The following ETFBKMT variants were observed in gnomAD, a reference collection of about 807,000 sequenced individuals.
The protein encoded by ETFBKMT is electron transfer flavoprotein subunit beta lysine methyltransferase.
ETFBKMT carries 13 observed loss-of-function variants against 18.3 expected under a neutral mutation model. That is an observed-to-expected ratio of 0.71 (90% CI 0.46 to 1.13). ETFBKMT has a LOEUF of 1.13. Among genes scored for constraint, ETFBKMT ranks in the 50% most tolerant of loss-of-function variants. The pLI is 0.00. For synonymous variants in ETFBKMT, 84 were observed against 107.9 expected (o/e 0.78, Z 1.37); for missense variants, 293 against 306.2 (o/e 0.96, Z 0.32).
intron 1 of ETFBKMT, 91 bp from the exon 2 acceptor site, chr12:31,661,750 C>T (rs1592135475): frequency 3.6e-5 from 20 of 552,908 alleles, no homozygotes; most frequent in South Asian, 1.9e-4. Context: ...TGAGCCACCG[C>T]GCCCGGCCAA....
chr12:31,662,505 C>CTTT (rs35366747), intron 2 of ETFBKMT, among the ~76,000 whole-genome samples: 5 of 128,836 alleles, frequency 3.9e-5, no homozygotes, highest in African/African-American at 5.7e-5. Flanking sequence ...TTCTTTCTTT[C>CTTT]TTTTTTTTTT....
rs140923820 is a variant in ETFBKMT at position 31,667,823 on chromosome 12, T to G, written c.622T>G (p.Trp208Gly). 6.8e-6 allele frequency: 11 copies of G among 1,614,118 alleles called. No homozygotes were observed. Among genetic ancestry groups the G allele is most frequent in the Admixed American group, 1.7e-5 (1 of 60,006 alleles). The change falls in exon 4 of 4, where the codon TGG becomes GGG. Residue 208 changes from tryptophan to glycine, a missense_variant. Transcript: ENST00000357721. ...SLHQWLKKCF[W>G]TYRTRVLIGD... is the part of the protein sequence containing the mutation. ...TCATCAGTGGCTGAAGAAGTGCTTC[T>G]GGACCTATAGAACTCGAGTACTGAT...
Position 31,667,911 on chromosome 12 carries a change from T to C in ETFBKMT, c.710T>C (p.Val237Ala), listed in dbSNP as rs771774667. The change falls in exon 4 of 4, where the codon GTA (valine) becomes GCA (alanine). Residue 237 changes from valine (V) to alanine (A), a missense_variant. Physicochemically the swap from Val to Ala is moderately conservative, Grantham distance 64. Coordinates refer to ENST00000357721, the MANE Select transcript of ETFBKMT (RefSeq NM_001135863.2). ...HSIQHHLHKV[V>A]EYSLLESTRQ... is the part of the protein sequence containing the mutation. ...ATTCAGCATCACCTGCACAAAGTGG[T>C]AGAATATTCACTTTTGGAGTCTACT... The C allele has an allele frequency of 6.2e-7, 1 of 1,614,202 alleles. No homozygotes were observed. Among genetic ancestry groups the C allele is most frequent in the Non-Finnish European group, 8.5e-7 (1 of 1,180,034 alleles).
rs4930987 is a variant in ETFBKMT at position 31,672,858 on chromosome 12, A to G, written c.*4868A>G. Reference sequence around the variant, plus strand: ...AAGCTGCAACACACCCAAAGGGTTAAAGGAGGTAGTAGTCACCGAACGTGA... The same window carrying G: ...AAGCTGCAACACACCCAAAGGGTTAGAGGAGGTAGTAGTCACCGAACGTGA... On this transcript the variant is annotated 3_prime_UTR_variant, in exon 4 of 4. Transcript: ENST00000357721. 150,880 of 156,940 alleles carry G rather than the reference A, an allele frequency of 0.96. 72,823 individuals carry two copies. Among genetic ancestry groups the G allele is most frequent in the East Asian group, 1 (5,404 of 5,404 alleles). 9.7% of individuals were successfully genotyped at this position (156,940 alleles called of 1,614,324 possible). A position where few individuals can be genotyped will look rare whatever the true frequency, so the allele number is the denominator to read the frequency against.
rs1260694393 is a variant in ETFBKMT, at chr12:31,669,202, A to G, written c.*1212A>G. 1 of 152,142 alleles carries G rather than the reference A, an allele frequency of 6.6e-6. No homozygotes were observed. The highest frequency in any genetic ancestry group is 2.4e-5 in the African/African-American group (1 of 41,420). The allele number at this position is 152,142 out of a possible 1,614,324, so 9.4% of individuals were successfully genotyped here. A position where few individuals can be genotyped will look rare whatever the true frequency, so the allele number is the denominator to read the frequency against. On this transcript the variant is annotated 3_prime_UTR_variant, in exon 4 of 4. Transcript: ENST00000357721. ...TCCTCTGTTATCTTTGAGTTTCCCTAGAGATTCCTTCTTATATAGAGTCTG... is the reference window on the plus strand; with the variant it reads ...TCCTCTGTTATCTTTGAGTTTCCCTGGAGATTCCTTCTTATATAGAGTCTG...
upstream of ETFBKMT, among the ~76,000 whole-genome samples, chr12:31,657,463 C>A (rs1166284092): frequency 6.6e-6 from 1 of 152,114 alleles, no homozygotes; most frequent in Non-Finnish European, 1.5e-5. Context: ...ACTATGGAAT[C>A]TAAGTTTCAG....
chr12:31,651,883 C>T (rs1951021151), intron 1 of ETFBKMT, among the ~76,000 whole-genome samples: 1 of 152,154 alleles, frequency 6.6e-6, no homozygotes, highest in Non-Finnish European at 1.5e-5. Flanking sequence ...TTCTGTAAAG[C>T]CGAGCTGCAG....
chr12:31,669,026 G>A lies in ETFBKMT; in HGVS notation c.*1036G>A. On this transcript the variant is annotated 3_prime_UTR_variant, in exon 4 of 4. Coordinates refer to ENST00000357721, the MANE Select transcript of ETFBKMT (RefSeq NM_001135863.2). Reference sequence around the variant, plus strand: ...GTTTTTTTGTCTTTTAGCATGCCTTGTAATTTTTTGTTGATAGCTAGACAT... The same window carrying A: ...GTTTTTTTGTCTTTTAGCATGCCTTATAATTTTTTGTTGATAGCTAGACAT... 6.6e-6 allele frequency: 1 copy of A among 152,138 alleles called. No homozygotes were observed. The highest frequency in any genetic ancestry group is 1.5e-5 in the Non-Finnish European group (1 of 68,030). 9.4% of individuals were successfully genotyped at this position (152,138 alleles called of 1,614,324 possible).
At chr12:31,655,878 T>C (rs1442818768), upstream of ETFBKMT, among the ~76,000 whole-genome samples, 1 of 152,222 alleles carries the variant, frequency 6.6e-6, no homozygotes, top group Non-Finnish European at 1.5e-5. Context: ...ATTGAGATTC[T>C]TGCCTCAGTC....
chr12:31,662,810 C>G (rs757764356), intron 2 of ETFBKMT, among the ~76,000 whole-genome samples: 5 of 152,136 alleles, frequency 3.3e-5, no homozygotes, highest in Non-Finnish European at 7.3e-5. Context: ...GTTCATAGCG[C>G]ATGACCATTG....
rs746370920 is a variant in ETFBKMT at position 31,667,999 on chromosome 12, A to G, written c.*9A>G. On this transcript the variant is annotated 3_prime_UTR_variant, in exon 4 of 4. Transcript: ENST00000357721. ...GGGGTTTTCAGCCTTGAGTTGTCAAAGTGCTTCCAAGTATGAATATAGTAA... is the reference window on the plus strand; with the variant it reads ...GGGGTTTTCAGCCTTGAGTTGTCAAGGTGCTTCCAAGTATGAATATAGTAA... The G allele has an allele frequency of 2.4e-5, 38 of 1,603,182 alleles. No homozygotes were observed. The highest frequency in any genetic ancestry group is 3.2e-5 in the Non-Finnish European group (37 of 1,172,608).
In ETFBKMT at chr12:31,654,144, G is replaced by C. The variant is rs1951040313; in HGVS notation, c.-114+6889G>C. 5.3e-5 allele frequency among the ~76,000 whole-genome samples: 8 copies of C among 152,194 alleles called. No individual in the cohort carries two copies. The South Asian group carries it at 1.7e-3, about 32-fold the overall frequency. Reference sequence around the variant, plus strand: ...AGCTCACTGCAACCTCCACCTCCCGGGTTCAAGTGATTCTTCTGTCTCAGC... The same window carrying C: ...AGCTCACTGCAACCTCCACCTCCCGCGTTCAAGTGATTCTTCTGTCTCAGC... On this transcript the variant is annotated intron_variant, in intron 1 of 3. Transcript: ENST00000412352.
rs530899637 is a variant in ETFBKMT at position 31,666,756 on chromosome 12, T to C, written c.445+539T>C. Among the ~76,000 whole-genome samples the C allele has an allele frequency of 3.3e-5, 5 of 152,006 alleles. No homozygotes were observed. The South Asian group carries it at 1.0e-3, about 32-fold the overall frequency. On this transcript the variant is annotated intron_variant, in intron 3 of 3. Coordinates refer to ENST00000357721, the MANE Select transcript of ETFBKMT (RefSeq NM_001135863.2). ...AGCTCCGCCTCCCGGGTTCACACCA[T>C]TCTCCTGCCTCAGCCTCCTGAGTAG...
At chr12:31,661,490 T>A (rs78190196) in intron 1 of ETFBKMT, among the ~76,000 whole-genome samples, 1 of 152,138 alleles carries the variant, frequency 6.6e-6, no homozygotes, top group African/African-American at 2.4e-5. Context: ...TTTTTTTTTT[T>A]ATGAGACGGA....
In ETFBKMT at chr12:31,671,952, T is replaced by A. The variant is rs532446596; in HGVS notation, c.*3962T>A. Reference sequence around the variant, plus strand: ...ATACTTACAGGTAAACTTAGAACAATAGCTCAAATACCTACATAGGAGAAG... The same window carrying A: ...ATACTTACAGGTAAACTTAGAACAAAAGCTCAAATACCTACATAGGAGAAG... On this transcript the variant is annotated 3_prime_UTR_variant, in exon 4 of 4. Coordinates refer to ENST00000357721, the MANE Select transcript of ETFBKMT (RefSeq NM_001135863.2). The A allele has an allele frequency of 4.0e-5, 7 of 174,162 alleles. No individual in the cohort carries two copies. The highest frequency in any genetic ancestry group is 1.7e-4 in the African/African-American group (7 of 42,158). 10.8% of individuals were successfully genotyped at this position (174,162 alleles called of 1,614,324 possible). A position where few individuals can be genotyped will look rare whatever the true frequency, so the allele number is the denominator to read the frequency against.
At chr12:31,656,208 C>T (rs1248960084), upstream of ETFBKMT, among the ~76,000 whole-genome samples, 2 of 151,962 alleles carry the variant, frequency 1.3e-5, no homozygotes, top group Non-Finnish European at 2.9e-5. Flanking sequence ...GGAAGATTAG[C>T]GTGTAGGCTG....
chr12:31,656,131 A>T (rs1399510466), upstream of ETFBKMT, among the ~76,000 whole-genome samples: 3 of 152,170 alleles, frequency 2.0e-5, no homozygotes, highest in Non-Finnish European at 4.4e-5. Context: ...GTCTGCTTTC[A>T]AGTCTAGGCA....
chr12:31,653,341 G>A (rs1389630971), intron 1 of ETFBKMT, among the ~76,000 whole-genome samples: 2 of 152,296 alleles, frequency 1.3e-5, no homozygotes, highest in East Asian at 3.9e-4. Context: ...CTTGGCCGAT[G>A]TTAAGCTAAA....
At chr12:31,660,957 T>G (rs973478785) in intron 1 of ETFBKMT, 2 of 152,230 alleles carry the variant, frequency 1.3e-5, no homozygotes, top group African/African-American at 4.8e-5. Flanking sequence ...ATGCCTACTT[T>G]GTTAAATTTA....
Sources: allele counts gnomAD v4.1 joint callset (sites outside exome capture counted in the v4.1 genomes callset), GRCh38; gene constraint gnomAD v4.1.1; transcripts MANE v1.5; gene names NCBI Gene and HGNC (gene_info 2026-07-23, HGNC 2026-07-21).